Variants in SKIL observed in about 807,000 individuals in gnomAD.
SKIL encodes SKI like proto-oncogene.
In SKIL, 20 loss-of-function variants were observed where a neutral mutation model predicts 69.6. The ratio of observed to expected loss-of-function variants is 0.29; its 90% CI spans 0.20 to 0.42. The LOEUF (loss-of-function observed/expected upper bound fraction) is 0.42. SKIL is among the 10% of genes least tolerant of loss of function. SKIL has a pLI of 1.00. For synonymous variants in SKIL, 310 were observed against 279.9 expected (o/e 1.11, Z -1.08); for missense variants, 745 against 783.1 (o/e 0.95, Z 0.58).
chr3:170,378,864 TA>T (rs1737181861), intron 2 of SKIL, among the ~76,000 whole-genome samples: 1 of 149,474 alleles, frequency 6.7e-6, no homozygotes, highest in African/African-American at 2.5e-5. Flanking sequence ...TTTATTTATT[TA>T]TTTATTTATT....
chr3:170,370,036 G>A (rs1269512292), intron 2 of SKIL, among the ~76,000 whole-genome samples: 10 of 151,998 alleles, frequency 6.6e-5, no homozygotes, highest in African/African-American at 2.2e-4. Context: ...TCAGGAGATC[G>A]AGACCATCCT....
chr3:170,377,237 T>G (rs1214816207), intron 2 of SKIL, among the ~76,000 whole-genome samples: 1 of 151,864 alleles, frequency 6.6e-6, no homozygotes, highest in African/African-American at 2.4e-5. Context: ...TTTCGTTTTC[T>G]GTTTTCCTTT....
At position 170,394,966 on chromosome 3, in the gene SKIL, A is replaced by G. The variant is rs1387717663; in HGVS notation, c.*2549A>G. Reference sequence around the variant, plus strand: ...ATTTGTTGTTACTCTTTGTGTGCCAAATTCACTAGGCAAGCGGATTTTTCC... The same window carrying G: ...ATTTGTTGTTACTCTTTGTGTGCCAGATTCACTAGGCAAGCGGATTTTTCC... On this transcript the variant is annotated 3_prime_UTR_variant, in exon 7 of 7. Coordinates refer to ENST00000259119, the MANE Select transcript of SKIL (RefSeq NM_005414.5). 6.6e-6 allele frequency: 1 copy of G among 152,148 alleles called. No homozygotes were observed. Among genetic ancestry groups the G allele is most frequent in the Non-Finnish European group, 1.5e-5 (1 of 68,006 alleles). 9.4% of individuals were successfully genotyped at this position (152,148 alleles called of 1,614,324 possible).
chr3:170,385,395 A>G (rs1737569682), intron 4 of SKIL, among the ~76,000 whole-genome samples: 1 of 149,982 alleles, frequency 6.7e-6, no homozygotes, highest in Admixed American at 6.8e-5. Flanking sequence ...CCCAACCTTT[A>G]TTTTTCTTTC....
At chr3:170,380,606 G>T (rs1392753494) in intron 2 of SKIL, among the ~76,000 whole-genome samples, 1 of 151,304 alleles carries the variant, frequency 6.6e-6, no homozygotes, top group East Asian at 1.9e-4. Context: ...TCGCGCCACT[G>T]CACTCCAGCC....
chr3:170,363,733 C>T (rs1736353806), intron 2 of SKIL, among the ~76,000 whole-genome samples: 1 of 152,162 alleles, frequency 6.6e-6, no homozygotes, highest in Non-Finnish European at 1.5e-5. Flanking sequence ...GATCCACCCG[C>T]CTTGGCTTCT....
intron 2 of SKIL, among the ~76,000 whole-genome samples, chr3:170,373,386 C>G (rs1294205624): frequency 1.4e-5 from 2 of 144,124 alleles, no homozygotes; most frequent in African/African-American, 5.1e-5. Context: ...ACCATGTTGG[C>G]CGGGCTGGTC....
At chr3:170,370,353 C>T (rs1042364965) in intron 2 of SKIL, among the ~76,000 whole-genome samples, 1 of 145,478 alleles carries the variant, frequency 6.9e-6, no homozygotes, top group African/African-American at 2.5e-5. Flanking sequence ...GATTTCATGA[C>T]TTCTAGACTT....
At chr3:170,388,645 G>C (rs1376602532) in intron 4 of SKIL, among the ~76,000 whole-genome samples, 1 of 151,866 alleles carries the variant, frequency 6.6e-6, no homozygotes, top group Non-Finnish European at 1.5e-5. Context: ...GTTGAGGCTG[G>C]TCTCAAACTC....
rs574136156 is a variant in SKIL, at chr3:170,388,963, G to A, written c.1430-1260G>A. ...CAGCTCACTGCAACCTCCACCTCCC[G>A]GGTTCAACCAATTTTTCTGTCTCAG... On this transcript the variant is annotated intron_variant, in intron 4 of 6. Coordinates refer to ENST00000259119, the MANE Select transcript of SKIL (RefSeq NM_005414.5). Among the ~76,000 whole-genome samples the A allele has an allele frequency of 3.9e-4, 59 of 151,662 alleles. 1 individual carries two copies. Among genetic ancestry groups the A allele is most frequent in the African/African-American group, 1.3e-3 (55 of 41,344 alleles).
chr3:170,381,196 T>G, intron 2 of SKIL, 48 bp from the exon 3 acceptor site: 2 of 1,035,652 alleles, frequency 1.9e-6, no homozygotes, highest in Non-Finnish European at 1.5e-6. Context: ...AAAATTAACC[T>G]TCACAGTTTT....
Position 170,378,655 on chromosome 3 carries a change from G to C in SKIL, c.1099-2589G>C, listed in dbSNP as rs559238809. Reference sequence around the variant, plus strand: ...CAACCTCTGCCTCCCGGATTCAAGTGATTCTCCTGCCTCGGCCACCCAAGT... The same window carrying C: ...CAACCTCTGCCTCCCGGATTCAAGTCATTCTCCTGCCTCGGCCACCCAAGT... On this transcript the variant is annotated intron_variant, in intron 2 of 6. Transcript: ENST00000259119. 2.1e-5 allele frequency among the ~76,000 whole-genome samples: 3 copies of C among 145,084 alleles called. No homozygotes were observed. In the South Asian group the frequency reaches 6.5e-4, roughly 32 times the overall value.
At chr3:170,383,467 T>G (rs1737463380) in intron 3 of SKIL, among the ~76,000 whole-genome samples, 1 of 152,250 alleles carries the variant, frequency 6.6e-6, no homozygotes, top group African/African-American at 2.4e-5. Context: ...TAAGTGTTAC[T>G]CAGAATATAG....
Position 170,374,351 on chromosome 3 carries a change from AAAT to A in SKIL, c.1099-6889_1099-6887del, listed in dbSNP as rs1230305908. The stretch of plus-strand genomic sequence containing the variant: ...GGATGCTATCTGTTCATTTTGGGGT[AAAT>A]AATGATGGGGAAATTGGGTGATAAG... On this transcript the variant is annotated intron_variant, in intron 2 of 6. Transcript: ENST00000259119. Among the ~76,000 whole-genome samples, 6 of 152,276 alleles carry A rather than the reference AAAT, an allele frequency of 3.9e-5. No homozygotes were observed. In the South Asian group the frequency reaches 6.2e-4, roughly 16 times the overall value.
intron 2 of SKIL, among the ~76,000 whole-genome samples, chr3:170,376,042 CTTTTTTTTTTTT>C (rs869036195): frequency 3.4e-5 from 3 of 89,134 alleles, no homozygotes; most frequent in South Asian, 4.6e-4. Flanking sequence ...GCTGATTTTC[CTTTTTTTTTTTT>C]TTTTTTTTTT....
At chr3:170,380,532 T>C (rs1353436250) in intron 2 of SKIL, among the ~76,000 whole-genome samples, 5 of 151,812 alleles carry the variant, frequency 3.3e-5, no homozygotes, top group Non-Finnish European at 7.4e-5. Context: ...TAATCCCAGC[T>C]ACTCAGGATA....
intron 4 of SKIL, among the ~76,000 whole-genome samples, 190 bp from the exon 5 acceptor site, chr3:170,390,033 A>G (rs1560221756): frequency 1.3e-5 from 2 of 152,204 alleles, no homozygotes; most frequent in Admixed American, 1.3e-4. Flanking sequence ...TTTAGGTCTT[A>G]AATTTCTTTT....
intron 4 of SKIL, 58 bp from the exon 5 acceptor site, chr3:170,390,165 G>C: frequency 8.1e-7 from 1 of 1,236,168 alleles, no homozygotes; most frequent in Non-Finnish European, 1.2e-6. Context: ...GATTGTTCTA[G>C]TGATTTTTTT....
chr3:170,381,215 A>G (rs1737325460), intron 2 of SKIL, 29 bp from the exon 3 acceptor site: 2 of 1,222,176 alleles, frequency 1.6e-6, no homozygotes, highest in African/African-American at 1.5e-5. Flanking sequence ...TTACTTCAAT[A>G]AATGTTTCCC....
Sources: allele counts gnomAD v4.1 joint callset (sites outside exome capture counted in the v4.1 genomes callset), GRCh38; gene constraint gnomAD v4.1.1; transcripts MANE v1.5; gene names NCBI Gene and HGNC (gene_info 2026-07-23, HGNC 2026-07-21).